Variants in TRAK1 observed in about 807,000 individuals in gnomAD.
TRAK1 encodes trafficking kinesin-binding protein 1.
In TRAK1, 33 loss-of-function variants were observed where a neutral mutation model predicts 92.1. The ratio of observed to expected loss-of-function variants is 0.36; its 90% confidence interval spans 0.27 to 0.48. The LOEUF (loss-of-function observed/expected upper bound fraction) is 0.48. Ranked by LOEUF, TRAK1 falls within the 20% of genes least tolerant of loss-of-function variation. The pLI is 0.99. For missense variants in TRAK1, 1,123 were observed against 1,257.9 expected (o/e 0.89, Z 1.62); for synonymous variants, 521 against 517.3 (o/e 1.01, Z -0.10).
chr3:42,223,799 C>A lies in TRAK1; in HGVS notation c.*62C>A, dbSNP rs1710589007. ...ACGTTCTCCTCTCTTGCTCCCACCTCCCTCTCTTCCCCCCACAGTGCACTC... is the reference window on the plus strand; with the variant it reads ...ACGTTCTCCTCTCTTGCTCCCACCTACCTCTCTTCCCCCCACAGTGCACTC... On this transcript the variant is annotated 3_prime_UTR_variant, in exon 16 of 16. Transcript: ENST00000327628. The surrounding 1 kb of genome is among the most constrained non-coding windows in gnomAD (Gnocchi z 6.1). 3.3e-6 allele frequency: 5 copies of A among 1,527,106 alleles called. No individual in the cohort carries two copies. Among genetic ancestry groups the A allele is most frequent in the Non-Finnish European group, 4.4e-6 (5 of 1,123,996 alleles). 94.6% of individuals were successfully genotyped at this position (1,527,106 alleles called of 1,614,324 possible). A position where few individuals can be genotyped will look rare whatever the true frequency, so the allele number is the denominator to read the frequency against.
chr3:42,145,059 TGTAA>T (rs1699160876), intron 2 of TRAK1, among the ~76,000 whole-genome samples: 1 of 152,234 alleles, frequency 6.6e-6, no homozygotes, highest in Non-Finnish European at 1.5e-5. Context: ...TCTTGCAGTC[TGTAA>T]GCAAGACACA....
intron 1 of TRAK1, among the ~76,000 whole-genome samples, chr3:42,103,515 G>T (rs1004039357): frequency 1.3e-5 from 2 of 152,152 alleles, no homozygotes; most frequent in African/African-American, 4.8e-5. Context: ...TACTGTCATT[G>T]TTCTTGATTC....
At chr3:42,185,052 G>T in intron 4 of TRAK1, 1 of 469,238 alleles carries the variant, frequency 2.1e-6, no homozygotes, top group South Asian at 3.4e-5. Flanking sequence ...GGCTAAGGGC[G>T]GGCATGGTCC....
rs201361581 is a variant in TRAK1, at chr3:42,130,014, A to T, written c.286+4400A>T. On this transcript the variant is annotated intron_variant, in intron 2 of 15. Coordinates refer to ENST00000327628, the MANE Select transcript of TRAK1 (RefSeq NM_001042646.3). ...TATATGTCTAACATATTCAAAATTCATTTTTTTTCATGGCTCAGGGCATTG... is the reference window on the plus strand; with the variant it reads ...TATATGTCTAACATATTCAAAATTCTTTTTTTTTCATGGCTCAGGGCATTG... Among the ~76,000 whole-genome samples, 8 of 151,812 alleles carry T rather than the reference A, an allele frequency of 5.3e-5. No individual in the cohort carries two copies. The East Asian group carries it at 5.8e-4, about 11-fold the overall frequency.
intron 1 of TRAK1, among the ~76,000 whole-genome samples, chr3:42,036,749 T>G (rs766472593): frequency 6.6e-6 from 1 of 152,170 alleles, no homozygotes; most frequent in Non-Finnish European, 1.5e-5. Context: ...TTTATTGTAC[T>G]TTTTATTTTC....
chr3:42,050,612 C>T (rs1335507897), intron 1 of TRAK1, among the ~76,000 whole-genome samples: 1 of 152,088 alleles, frequency 6.6e-6, no homozygotes, highest in Non-Finnish European at 1.5e-5. Context: ...AATTTTCATC[C>T]TTTTTTCCGT....
intron 5 of TRAK1, among the ~76,000 whole-genome samples, 158 bp downstream of exon 5, chr3:42,188,303 T>C (rs186318906): frequency 2.2e-4 from 34 of 152,348 alleles, no homozygotes; most frequent in African/African-American, 8.2e-4. Flanking sequence ...CTCAAACAGA[T>C]TGATTTTACT....
At chr3:42,025,415 C>T (rs1351156360) in intron 1 of TRAK1, among the ~76,000 whole-genome samples, 8 of 152,148 alleles carry the variant, frequency 5.3e-5, no homozygotes, top group African/African-American at 1.9e-4. Context: ...AGGGCTTTAT[C>T]CACTTTATCT....
At position 42,099,931 on chromosome 3, in the gene TRAK1, G is replaced by C. The variant is rs542345288; in HGVS notation, c.91+8371G>C. 6.6e-4 allele frequency among the ~76,000 whole-genome samples: 100 copies of C among 152,206 alleles called. 1 individual carries two copies. The highest frequency in any genetic ancestry group is 2.3e-3 in the African/African-American group (97 of 41,526). ...CTTTAATTTGAATTCAGGCTGCCTG[G>C]GATGTGTGGTAAAGAATGGGCCTGT... is the stretch of plus-strand genomic sequence containing the variant. On this transcript the variant is annotated intron_variant, in intron 1 of 15. Coordinates refer to ENST00000327628, the MANE Select transcript of TRAK1 (RefSeq NM_001042646.3).
At chr3:42,098,015 C>T (rs898569076) in intron 1 of TRAK1, among the ~76,000 whole-genome samples, 1 of 151,992 alleles carries the variant, frequency 6.6e-6, no homozygotes, top group Non-Finnish European at 1.5e-5. Context: ...TTCCTCCCTT[C>T]GTTTCATTTT....
intron 2 of TRAK1, among the ~76,000 whole-genome samples, chr3:42,147,509 A>G (rs1339707407): frequency 1.3e-5 from 2 of 152,192 alleles, no homozygotes; most frequent in Non-Finnish European, 2.9e-5. Context: ...TTTAGCCAAA[A>G]TTCATCATCA....
At chr3:42,113,561 G>C (rs1048987195) in intron 1 of TRAK1, among the ~76,000 whole-genome samples, 1 of 152,058 alleles carries the variant, frequency 6.6e-6, no homozygotes, top group Non-Finnish European at 1.5e-5. Context: ...CTACAGGTGT[G>C]TGCCATCACA....
intron 1 of TRAK1, among the ~76,000 whole-genome samples, chr3:42,032,950 G>C (rs1014705171): frequency 3.9e-5 from 6 of 152,166 alleles, no homozygotes; most frequent in African/African-American, 1.4e-4. Context: ...TGACTGGCTT[G>C]TTTGGAAATG....
intron 2 of TRAK1, 104 bp downstream of exon 2, chr3:42,125,718 G>T (rs995529516): frequency 1.5e-6 from 2 of 1,303,470 alleles, no homozygotes; most frequent in Non-Finnish European, 2.1e-6. Flanking sequence ...GATGTGGCTT[G>T]CCACCTCTGG....
chr3:42,126,520 A>G (rs1216470788), intron 2 of TRAK1, among the ~76,000 whole-genome samples: 1 of 152,238 alleles, frequency 6.6e-6, no homozygotes, highest in African/African-American at 2.4e-5. Flanking sequence ...AAAAAGGATA[A>G]TTTAAAAAAT....
At chr3:42,019,440 T>C (rs1399494676) in intron 1 of TRAK1, among the ~76,000 whole-genome samples, 1 of 152,164 alleles carries the variant, frequency 6.6e-6, no homozygotes, top group Non-Finnish European at 1.5e-5. Flanking sequence ...AATTTTCTTT[T>C]CTTTTTTAAA....
intron 7 of TRAK1, 75 bp downstream of exon 7, chr3:42,191,711 C>CT: frequency 6.7e-7 from 1 of 1,495,760 alleles, no homozygotes; most frequent in Non-Finnish European, 9.1e-7. Flanking sequence ...GTCAGCCTTG[C>CT]TAAAGTGCAG....
Position 42,223,853 on chromosome 3 carries a change from C to T in TRAK1, c.*116C>T. On this transcript the variant is annotated 3_prime_UTR_variant, in exon 16 of 16. Coordinates refer to ENST00000327628, the MANE Select transcript of TRAK1 (RefSeq NM_001042646.3). This position sits in a 1 kb window ranked among gnomAD's most constrained non-coding sequence, Gnocchi z 6.1. ...CCCTCTGCCCTTCTCTGTCCACCCC[C>T]TCCTAAGCTAGACAAATCAACCTCG... 8.2e-7 allele frequency: 1 copy of T among 1,216,610 alleles called. No homozygotes were observed. Among genetic ancestry groups the T allele is most frequent in the Non-Finnish European group, 1.1e-6 (1 of 869,816 alleles). 75.4% of individuals were successfully genotyped at this position (1,216,610 alleles called of 1,614,324 possible).
intron 11 of TRAK1, among the ~76,000 whole-genome samples, chr3:42,199,739 G>A (rs531407271): frequency 1.3e-5 from 2 of 152,312 alleles, no homozygotes; most frequent in Non-Finnish European, 2.9e-5. Context: ...GATTACAGGC[G>A]TGAGCCACCA....
Sources: gnomAD v4.1 joint callset for allele counts (sites outside exome capture counted in the v4.1 genomes callset) on GRCh38, gnomAD v4.1.1 for gene constraint, Gnocchi (gnomAD v3.1) non-coding constraint, MANE v1.5 for transcripts, NCBI Gene and HGNC (gene_info 2026-07-23, HGNC 2026-07-21) for gene names.